STAT1: variants seen among roughly 807,000 people sequenced by gnomAD.
The protein encoded by STAT1 is signal transducer and activator of transcription 1.
Under a neutral mutation model 111.7 loss-of-function variants are expected in STAT1, and 24 were observed. That is an observed-to-expected ratio of 0.21 (90% CI 0.16 to 0.30). The LOEUF is 0.30. STAT1 is among the 10% of genes least tolerant of loss of function. The pLI is 1.00. For synonymous variants in STAT1, 332 were observed against 326.5 expected (o/e 1.02, Z -0.18); for missense variants, 351 against 911.9 (o/e 0.38, Z 7.92).
Position 190,982,267 on chromosome 2 carries a change from G to T in STAT1, c.1582+116C>A. 8.1e-7 allele frequency: 1 copy of T among 1,237,726 alleles called. No homozygotes were observed. Among genetic ancestry groups the T allele is most frequent in the Non-Finnish European group, 1.2e-6 (1 of 849,154 alleles). 76.7% of individuals were successfully genotyped at this position (1,237,726 alleles called of 1,614,324 possible). ...ATAATAAACTATAGCTTGAAAAGCT[G>T]ACAGATTTTAGTACTTTTTTACCTT... On this transcript the variant is annotated intron_variant, in intron 18 of 24. Coordinates refer to ENST00000361099, the MANE Select transcript of STAT1 (RefSeq NM_007315.4). This position sits in a 1 kb window ranked among gnomAD's most constrained non-coding sequence, Gnocchi z 7.3.
At chr2:190,991,380 C>G in intron 10 of STAT1, 60 bp from the exon 11 acceptor site, 1 of 1,529,456 alleles carries the variant, frequency 6.5e-7, no homozygotes, top group Non-Finnish European at 9.0e-7. Context: ...GAGGCAATCA[C>G]AATGATTTTC....
At position 190,974,975 on chromosome 2, in the gene STAT1, G is replaced by T; in HGVS notation, c.2136-43C>A. 1 of 1,411,644 alleles carries T rather than the reference G, an allele frequency of 7.1e-7. No homozygotes were observed. The highest frequency in any genetic ancestry group is 1.0e-6 in the Non-Finnish European group (1 of 998,004). 87.4% of individuals were successfully genotyped at this position (1,411,644 alleles called of 1,614,324 possible). A position where few individuals can be genotyped will look rare whatever the true frequency, so the allele number is the denominator to read the frequency against. On this transcript the variant is annotated intron_variant, in intron 23 of 24. Transcript: ENST00000361099. This position sits in a 1 kb window ranked among gnomAD's most constrained non-coding sequence, Gnocchi z 4.8. ...AAAAGAGCAATGTCAACATCTGAGT[G>T]ATGAAAGCACTAGTGCATACTTACA...
At position 190,986,646 on chromosome 2, in the gene STAT1, C is replaced by A. The variant is rs150932800; in HGVS notation, c.1221+208G>T. On this transcript the variant is annotated intron_variant, in intron 14 of 24. Transcript: ENST00000361099. The surrounding 1 kb of genome is among the most constrained non-coding windows in gnomAD (Gnocchi z 5.0). ...GGAAATATTTTTACTGCAAGTGATA[C>A]AGCCCAGAAAACAGAGTGAACAGTC... Among the ~76,000 whole-genome samples the A allele has an allele frequency of 1.3e-5, 2 of 152,292 alleles. No homozygotes were observed. The highest frequency in any genetic ancestry group is 4.8e-5 in the African/African-American group (2 of 41,562).
Position 190,976,290 on chromosome 2 carries a change from G to T in STAT1, c.2060-403C>A, listed in dbSNP as rs187514982. Among the ~76,000 whole-genome samples, 2 of 152,298 alleles carry T rather than the reference G, an allele frequency of 1.3e-5. No individual in the cohort carries two copies. The highest frequency in any genetic ancestry group is 3.9e-4 in the East Asian group (2 of 5,184). Reference sequence around the variant, plus strand: ...TCCAAAGTAATTGTCCTAATATTGAGATTTCTGATTCTGAAAAACAGCTTT... The same window carrying T: ...TCCAAAGTAATTGTCCTAATATTGATATTTCTGATTCTGAAAAACAGCTTT... On this transcript the variant is annotated intron_variant, in intron 22 of 24. Coordinates refer to ENST00000361099, the MANE Select transcript of STAT1 (RefSeq NM_007315.4). The surrounding 1 kb of genome is among the most constrained non-coding windows in gnomAD (Gnocchi z 6.0).
In STAT1 at chr2:191,001,196, T is replaced by C. The variant is rs1414835872; in HGVS notation, c.373-33A>G. The C allele has an allele frequency of 3.2e-6, 5 of 1,563,400 alleles. No homozygotes were observed. In the Admixed American group the frequency reaches 6.7e-5, roughly 21 times the overall value. ...GGGAAGGGCATGATTATAGCCATCG[T>C]TTTCTTCAGGGTGTGTACTTGCTGG... On this transcript the variant is annotated intron_variant, in intron 5 of 24. Transcript: ENST00000361099.
Position 191,003,868 on chromosome 2 carries a change from G to C in STAT1, c.373-2705C>G, listed in dbSNP as rs1239070828. Reference sequence around the variant, plus strand: ...CTGGGACACTACACCTAGAGAGAGGGACCAGGCCACTGGAGAATTCTGACT... The same window carrying C: ...CTGGGACACTACACCTAGAGAGAGGCACCAGGCCACTGGAGAATTCTGACT... On this transcript the variant is annotated intron_variant, in intron 5 of 24. Transcript: ENST00000361099. This position sits in a 1 kb window ranked among gnomAD's most constrained non-coding sequence, Gnocchi z 4.0. 6.6e-6 allele frequency among the ~76,000 whole-genome samples: 1 copy of C among 152,288 alleles called. No homozygotes were observed. Among genetic ancestry groups the C allele is most frequent in the East Asian group, 1.9e-4 (1 of 5,188 alleles).
chr2:191,005,507 C>T (rs1042185104), intron 5 of STAT1, among the ~76,000 whole-genome samples: 8 of 152,170 alleles, frequency 5.3e-5, no homozygotes, highest in Non-Finnish European at 8.8e-5. Context: ...CATTGTGTTA[C>T]AATTGCCCAT....
chr2:190,971,443 G>C lies in STAT1; in HGVS notation c.2239-726C>G, dbSNP rs1242915156. On this transcript the variant is annotated intron_variant, in intron 24 of 24. Transcript: ENST00000361099. This position sits in a 1 kb window ranked among gnomAD's most constrained non-coding sequence, Gnocchi z 4.1. The stretch of plus-strand genomic sequence containing the variant: ...TATCTATTTGGTAGAAGCCAGAGGT[G>C]TTGCTGAACCTCCTACGAAGCACAG... Among the ~76,000 whole-genome samples, 1 of 152,136 alleles carries C rather than the reference G, an allele frequency of 6.6e-6. No homozygotes were observed. The highest frequency in any genetic ancestry group is 1.5e-5 in the Non-Finnish European group (1 of 68,024).
chr2:190,994,469 A>C (rs1235491887), intron 10 of STAT1, among the ~76,000 whole-genome samples: 1 of 151,988 alleles, frequency 6.6e-6, no homozygotes. Context: ...CTGAGACATG[A>C]GGAGGGGAGA....
rs973242553 is a variant in STAT1 at position 190,971,861 on chromosome 2, C to T, written c.2239-1144G>A. Among the ~76,000 whole-genome samples, 12 of 152,132 alleles carry T rather than the reference C, an allele frequency of 7.9e-5. No homozygotes were observed. Among genetic ancestry groups the T allele is most frequent in the African/African-American group, 2.9e-4 (12 of 41,420 alleles). On this transcript the variant is annotated intron_variant, in intron 24 of 24. Coordinates refer to ENST00000361099, the MANE Select transcript of STAT1 (RefSeq NM_007315.4). The surrounding 1 kb of genome is among the most constrained non-coding windows in gnomAD (Gnocchi z 4.1). ...CCTAGTAGCTGGGATTACAGGCACA[C>T]ACCACCATGGCTGGCTAATTTTTGT...
Position 190,979,584 on chromosome 2 carries a change from T to A in STAT1, c.1727+188A>T, listed in dbSNP as rs549381968. ...TTAGCTTTGCCAATACATATACTTG[T>A]ACTAAGAAAGTGTAAGGTTAATGTT... On this transcript the variant is annotated intron_variant, in intron 20 of 24. Coordinates refer to ENST00000361099, the MANE Select transcript of STAT1 (RefSeq NM_007315.4). This position sits in a 1 kb window ranked among gnomAD's most constrained non-coding sequence, Gnocchi z 5.8. 6.6e-6 allele frequency among the ~76,000 whole-genome samples: 1 copy of A among 152,246 alleles called. No individual in the cohort carries two copies. The highest frequency in any genetic ancestry group is 1.9e-4 in the East Asian group (1 of 5,180).
chr2:190,975,962 G>T lies in STAT1; in HGVS notation c.2060-75C>A. ...GAATACAACATCAACTTTTCGGGGG[G>T]ATTAAAGTTCTACTGTGTTTCTAGA... On this transcript the variant is annotated intron_variant, in intron 22 of 24. Coordinates refer to ENST00000361099, the MANE Select transcript of STAT1 (RefSeq NM_007315.4). The surrounding 1 kb of genome is among the most constrained non-coding windows in gnomAD (Gnocchi z 5.9). 7.7e-7 allele frequency: 1 copy of T among 1,298,472 alleles called. No individual in the cohort carries two copies. Among genetic ancestry groups the T allele is most frequent in the South Asian group, 1.2e-5 (1 of 82,522 alleles). The allele number at this position is 1,298,472 out of a possible 1,614,324, so 80.4% of individuals were successfully genotyped here.
chr2:190,977,355 C>G lies in STAT1; in HGVS notation c.1874-330G>C, dbSNP rs977501640. ...TGCCCATAGGCACATAAATAACTTA[C>G]TACTAAGTGGATCATCTTGGCTTAA... On this transcript the variant is annotated intron_variant, in intron 21 of 24. Transcript: ENST00000361099. The surrounding 1 kb of genome is among the most constrained non-coding windows in gnomAD (Gnocchi z 4.7). Among the ~76,000 whole-genome samples the G allele has an allele frequency of 6.6e-6, 1 of 152,202 alleles. No homozygotes were observed. The highest frequency in any genetic ancestry group is 1.5e-5 in the Non-Finnish European group (1 of 68,028).
intron 10 of STAT1, chr2:190,992,614 T>C: frequency 1.8e-5 from 18 of 979,380 alleles, no homozygotes; most frequent in Non-Finnish European, 2.4e-5. Flanking sequence ...AATTTATTAC[T>C]GTGAGAAAAG....
intron 10 of STAT1, among the ~76,000 whole-genome samples, chr2:190,994,247 G>A (rs1245271084): frequency 2.0e-5 from 3 of 152,280 alleles, no homozygotes; most frequent in Admixed American, 1.3e-4. Context: ...AGAAAGGGGC[G>A]TGTGTGGACG....
Position 190,974,110 on chromosome 2 carries a change from A to C in STAT1, c.2238+720T>G, listed in dbSNP as rs1691713193. ...TAGCTCCATGTGGAAAAGAGCTTAA[A>C]ATTAAACAGCATCAGCAAAAATCCA... On this transcript the variant is annotated intron_variant, in intron 24 of 24. Coordinates refer to ENST00000361099, the MANE Select transcript of STAT1 (RefSeq NM_007315.4). The surrounding 1 kb of genome is among the most constrained non-coding windows in gnomAD (Gnocchi z 4.8). Among the ~76,000 whole-genome samples, 1 of 152,196 alleles carries C rather than the reference A, an allele frequency of 6.6e-6. No individual in the cohort carries two copies. Among genetic ancestry groups the C allele is most frequent in the Non-Finnish European group, 1.5e-5 (1 of 68,030 alleles).
Position 190,996,963 on chromosome 2 carries a change from C to T in STAT1, c.785+893G>A, listed in dbSNP as rs751660011. Reference sequence around the variant, plus strand: ...TAAATCAAAGATCAGAGAAATACATCTCCTGCTTAAGAAAAAAGCCTGCCT... The same window carrying T: ...TAAATCAAAGATCAGAGAAATACATTTCCTGCTTAAGAAAAAAGCCTGCCT... On this transcript the variant is annotated intron_variant, in intron 9 of 24. Coordinates refer to ENST00000361099, the MANE Select transcript of STAT1 (RefSeq NM_007315.4). This position sits in a 1 kb window ranked among gnomAD's most constrained non-coding sequence, Gnocchi z 4.5. Among the ~76,000 whole-genome samples, 3 of 152,214 alleles carry T rather than the reference C, an allele frequency of 2.0e-5. No individual in the cohort carries two copies. The highest frequency in any genetic ancestry group is 4.4e-5 in the Non-Finnish European group (3 of 68,038).
chr2:190,985,543 C>T, intron 15 of STAT1, 76 bp downstream of exon 15: 1 of 1,510,546 alleles, frequency 6.6e-7, no homozygotes, highest in Non-Finnish European at 9.2e-7. Flanking sequence ...GAGGTGTCCC[C>T]AGCCACCAAC....
At position 190,985,897 on chromosome 2, in the gene STAT1, C is replaced by T. The variant is rs1030184009; in HGVS notation, c.1222-237G>A. Among the ~76,000 whole-genome samples, 9 of 152,354 alleles carry T rather than the reference C, an allele frequency of 5.9e-5. No individual in the cohort carries two copies. The Middle Eastern group carries it at 0.01, about 173-fold the overall frequency. ...AGGGATCTCTTGGAATCACAACCCG[C>T]TCCTCTCCTGTGTTCAAACTTTCCC... is the stretch of plus-strand genomic sequence containing the variant. On this transcript the variant is annotated intron_variant, in intron 14 of 24. Coordinates refer to ENST00000361099, the MANE Select transcript of STAT1 (RefSeq NM_007315.4).
Sources: gnomAD v4.1 joint callset for allele counts (sites outside exome capture counted in the v4.1 genomes callset) on GRCh38, gnomAD v4.1.1 for gene constraint, Gnocchi (gnomAD v3.1) non-coding constraint, MANE v1.5 for transcripts, NCBI Gene and HGNC (gene_info 2026-07-23, HGNC 2026-07-21) for gene names.